SMAP1: variants seen among roughly 807,000 people sequenced by gnomAD.
The protein encoded by SMAP1 is stromal membrane-associated protein 1.
A neutral mutation model predicts 58.5 loss-of-function variants in SMAP1; 24 were observed. The ratio of observed to expected loss-of-function variants is 0.41; its 90% CI spans 0.30 to 0.58. SMAP1 has a LOEUF of 0.58. Ranked by LOEUF, SMAP1 falls within the 20% of genes least tolerant of loss-of-function variation. SMAP1 has a pLI of 0.29. For missense variants in SMAP1, 563 were observed against 566.3 expected, an observed-to-expected ratio of 0.99 and a Z score of 0.06; for synonymous variants, 216 against 196.6, an observed-to-expected ratio of 1.10 and a Z score of -0.82.
intron 7 of SMAP1, among the ~76,000 whole-genome samples, chr6:70,841,399 T>C (rs961331520): frequency 2.0e-5 from 3 of 152,160 alleles, no homozygotes; most frequent in Admixed American, 2.0e-4. Flanking sequence ...GCCGAGGCTG[T>C]CTGGGGGGAC....
At chr6:70,703,752 C>G (rs995185683) in intron 1 of SMAP1, among the ~76,000 whole-genome samples, 1 of 152,200 alleles carries the variant, frequency 6.6e-6, no homozygotes, top group East Asian at 1.9e-4. Flanking sequence ...AGTTTTCTCT[C>G]TGTGCATCTC....
intron 4 of SMAP1, among the ~76,000 whole-genome samples, chr6:70,782,849 T>A (rs112051655): frequency 0.023 from 3,426 of 152,248 alleles, 34 homozygotes; most frequent in Non-Finnish European, 0.035. Context: ...GATGGCTGAA[T>A]AGGAACAGCT....
At chr6:70,831,689 C>G (rs1770364805) in intron 6 of SMAP1, among the ~76,000 whole-genome samples, 1 of 152,046 alleles carries the variant, frequency 6.6e-6, no homozygotes, top group African/African-American at 2.4e-5. Context: ...TAGGTTGATT[C>G]CATGTCTTTG....
intron 2 of SMAP1, among the ~76,000 whole-genome samples, chr6:70,739,604 C>CT (rs1165967954): frequency 6.6e-6 from 1 of 151,936 alleles, no homozygotes; most frequent in Non-Finnish European, 1.5e-5. Context: ...AGTTTTATAT[C>CT]TTTTTTTGTT....
Position 70,861,878 on chromosome 6 carries a change from CTGTT to C in SMAP1, c.*1547_*1550del. On this transcript the variant is annotated 3_prime_UTR_variant, in exon 11 of 11. Transcript: ENST00000370455. ...GTTCCAGTTCTTCGACTGTTGTTAT[CTGTT>C]TGAGAAAGTCAGATTCTTGCATCCC... 1 of 1,614,008 alleles carries C rather than the reference CTGTT, an allele frequency of 6.2e-7. No homozygotes were observed. The highest frequency in any genetic ancestry group is 8.5e-7 in the Non-Finnish European group (1 of 1,179,976).
intron 1 of SMAP1, among the ~76,000 whole-genome samples, chr6:70,708,542 C>G (rs937414391): frequency 2.0e-5 from 3 of 152,166 alleles, no homozygotes; most frequent in African/African-American, 4.8e-5. Context: ...AATCTGCATA[C>G]TCCTTTCCAT....
At chr6:70,805,345 C>T (rs1021297882) in intron 6 of SMAP1, among the ~76,000 whole-genome samples, 2 of 152,170 alleles carry the variant, frequency 1.3e-5, no homozygotes, top group African/African-American at 4.8e-5. Context: ...TGGCTTTCAG[C>T]TCCATCAGGT....
At chr6:70,739,892 A>T (rs1169520987) in intron 2 of SMAP1, among the ~76,000 whole-genome samples, 1 of 149,640 alleles carries the variant, frequency 6.7e-6, no homozygotes, top group Non-Finnish European at 1.5e-5. Flanking sequence ...TTTATTTCCA[A>T]TTTTTTCTTG....
chr6:70,778,961 C>T (rs1017972289), intron 4 of SMAP1, among the ~76,000 whole-genome samples: 5 of 152,190 alleles, frequency 3.3e-5, no homozygotes, highest in Non-Finnish European at 4.4e-5. Context: ...GGTGGCCAAC[C>T]GGGCCAGTCA....
At chr6:70,726,783 A>C (rs929890166) in intron 1 of SMAP1, among the ~76,000 whole-genome samples, 8 of 151,912 alleles carry the variant, frequency 5.3e-5, no homozygotes, top group Non-Finnish European at 8.8e-5. Flanking sequence ...CAGTCAACCT[A>C]ATTTTTCCAC....
At chr6:70,813,457 C>T (rs1376671620) in intron 6 of SMAP1, among the ~76,000 whole-genome samples, 1 of 151,998 alleles carries the variant, frequency 6.6e-6, no homozygotes, top group Admixed American at 6.6e-5. Context: ...TTAGATGCTT[C>T]TCTTCACCAA....
intron 6 of SMAP1, among the ~76,000 whole-genome samples, chr6:70,819,122 G>A (rs1769773061): frequency 6.6e-6 from 1 of 151,974 alleles, no homozygotes; most frequent in Non-Finnish European, 1.5e-5. Flanking sequence ...TTCAAGATAT[G>A]GTCTTTCGTA....
intron 4 of SMAP1, among the ~76,000 whole-genome samples, chr6:70,777,884 C>T (rs992895094): frequency 3.9e-5 from 6 of 151,994 alleles, no homozygotes; most frequent in Non-Finnish European, 7.4e-5. Flanking sequence ...TCCCGAGTAG[C>T]TGGCATTACA....
chr6:70,835,657 C>T (rs1318914225), intron 6 of SMAP1, among the ~76,000 whole-genome samples: 1 of 152,086 alleles, frequency 6.6e-6, no homozygotes, highest in Non-Finnish European at 1.5e-5. Flanking sequence ...CAGGTGTGCA[C>T]CACCACACCC....
intron 4 of SMAP1, among the ~76,000 whole-genome samples, chr6:70,787,670 A>G (rs928510068): frequency 9.9e-5 from 15 of 152,138 alleles, no homozygotes; most frequent in Non-Finnish European, 1.9e-4. Context: ...AAAAGAAGAC[A>G]TTTATGCAGC....
At chr6:70,790,314 A>C (rs1260329447) in intron 4 of SMAP1, among the ~76,000 whole-genome samples, 1 of 151,834 alleles carries the variant, frequency 6.6e-6, no homozygotes, top group East Asian at 1.9e-4. Context: ...CTAAATTTTT[A>C]TATTTTTAGT....
At chr6:70,698,683 A>G (rs1767508149) in intron 1 of SMAP1, among the ~76,000 whole-genome samples, 2 of 152,238 alleles carry the variant, frequency 1.3e-5, no homozygotes, top group South Asian at 2.1e-4. Flanking sequence ...AGAGACTCTG[A>G]CGCATTCTTC....
chr6:70,840,762 T>G (rs751625235), intron 7 of SMAP1, among the ~76,000 whole-genome samples: 7 of 152,236 alleles, frequency 4.6e-5, no homozygotes, highest in African/African-American at 1.4e-4. Context: ...CAGGGTGAGA[T>G]ACTTGACTTG....
At chr6:70,855,602 G>GTACT (rs1409488050) in intron 8 of SMAP1, among the ~76,000 whole-genome samples, 6 of 152,208 alleles carry the variant, frequency 3.9e-5, no homozygotes, top group African/African-American at 1.4e-4. Flanking sequence ...TAAACACCAA[G>GTACT]TACTTAATCC....
Sources: allele counts gnomAD v4.1 joint callset (sites outside exome capture counted in the v4.1 genomes callset), GRCh38; gene constraint gnomAD v4.1.1; transcripts MANE v1.5; gene names NCBI Gene and HGNC (gene_info 2026-07-23, HGNC 2026-07-21).